The following TEX30 variants were observed in gnomAD, a reference collection of about 807,000 sequenced individuals.
TEX30 encodes the protein testis expressed 30.
TEX30 carries 14 observed loss-of-function variants against 23.8 expected under a neutral mutation model. The ratio of observed to expected loss-of-function variants is 0.59; its 90% CI spans 0.39 to 0.92. The LOEUF (loss-of-function observed/expected upper bound fraction) is 0.92. Among genes scored for constraint, TEX30 ranks in the 40% least tolerant of loss-of-function variants. TEX30 has a pLI of 0.00. For synonymous variants in TEX30, 78 were observed against 90.2 expected, an observed-to-expected ratio of 0.87 and a Z score of 0.76; for missense variants, 246 against 270.6, an observed-to-expected ratio of 0.91 and a Z score of 0.64.
intron 1 of TEX30, among the ~76,000 whole-genome samples, chr13:102,772,175 C>T (rs549335578): frequency 1.3e-5 from 2 of 151,634 alleles, no homozygotes; most frequent in East Asian, 1.9e-4. Flanking sequence ...GTTCTCGCTC[C>T]GGCGGACAGG....
rs1876853790 is a variant in TEX30 at position 102,766,151 on chromosome 13, TAACTA to T, written c.*245_*249del. ...CAGATGTTTAATTTTTTTCAAAACT[TAACTA>T]TACTAATGAAAATAAATTATATGTA... On this transcript the variant is annotated 3_prime_UTR_variant, in exon 6 of 6. Coordinates refer to ENST00000376032, the MANE Select transcript of TEX30 (RefSeq NM_138779.5). 1 of 251,436 alleles carries T rather than the reference TAACTA, an allele frequency of 4.0e-6. No individual in the cohort carries two copies. Among genetic ancestry groups the T allele is most frequent in the Non-Finnish European group, 7.5e-6 (1 of 134,076 alleles). The allele number at this position is 251,436 out of a possible 1,614,324, so 15.6% of individuals were successfully genotyped here.
Position 102,770,070 on chromosome 13 carries a change from A to C in TEX30, c.-44T>G. On this transcript the variant is annotated 5_prime_UTR_variant, in exon 2 of 6. Transcript: ENST00000376032. The stretch of plus-strand genomic sequence containing the variant: ...AACTTAAAGTGCATTTACATCTGAG[A>C]AGCAAAGGACATCTCCCTGAAAAGA... 1 of 1,319,928 alleles carries C rather than the reference A, an allele frequency of 7.6e-7. No homozygotes were observed. Among genetic ancestry groups the C allele is most frequent in the Non-Finnish European group, 9.8e-7 (1 of 1,019,050 alleles). The allele number at this position is 1,319,928 out of a possible 1,614,324, so 81.8% of individuals were successfully genotyped here. A position where few individuals can be genotyped will look rare whatever the true frequency, so the allele number is the denominator to read the frequency against.
At chr13:102,766,676 T>C (rs1876910659) in intron 5 of TEX30, 96 bp from the exon 6 acceptor site, 4 of 1,183,738 alleles carry the variant, frequency 3.4e-6, no homozygotes, top group African/African-American at 1.6e-5. Flanking sequence ...CATTCCCAAG[T>C]ATTCATTAAA....
At chr13:102,772,067 A>C (rs981714979) in intron 1 of TEX30, among the ~76,000 whole-genome samples, 2 of 151,926 alleles carry the variant, frequency 1.3e-5, no homozygotes, top group African/African-American at 4.8e-5. Context: ...CCTTAATGTA[A>C]GTTTAGTGAA....
intron 4 of TEX30, 58 bp from the exon 5 acceptor site, chr13:102,767,536 G>A: frequency 1.9e-6 from 3 of 1,540,770 alleles, no homozygotes; most frequent in Non-Finnish European, 2.7e-6. Flanking sequence ...TAAAGTAGCA[G>A]TGATGGTGTG....
rs543266372 is a variant in TEX30 at position 102,773,197 on chromosome 13, G to A, written c.-61+485C>T. On this transcript the variant is annotated intron_variant, in intron 1 of 5. Transcript: ENST00000376032. ...TGGCTGTCGTGGGGCAAACAAAAAC[G>A]TTGAGTCCGAGTCTTACGGGGGGTC... 7.0e-3 allele frequency among the ~76,000 whole-genome samples: 1,072 copies of A among 152,324 alleles called. 13 individuals carry two copies. Among genetic ancestry groups the A allele is most frequent in the African/African-American group, 0.024 (993 of 41,574 alleles).
At chr13:102,769,567 C>A (rs1362071400) in intron 2 of TEX30, 26 bp from the exon 3 acceptor site, 6 of 1,426,420 alleles carry the variant, frequency 4.2e-6, no homozygotes, top group South Asian at 2.6e-5. Flanking sequence ...ATAAAGGGAT[C>A]AAAAATTACT....
intron 1 of TEX30, chr13:102,770,320 T>TCATATCA: frequency 3.8e-6 from 1 of 261,018 alleles, no homozygotes; most frequent in East Asian, 6.6e-5. Flanking sequence ...ATGGAAACTG[T>TCATATCA]AAGGTAATTC....
intron 1 of TEX30, among the ~76,000 whole-genome samples, chr13:102,771,214 T>C (rs1877295471): frequency 6.6e-6 from 1 of 152,186 alleles, no homozygotes; most frequent in African/African-American, 2.4e-5. Flanking sequence ...AAGGGTTTGT[T>C]CATAATTTTT....
Position 102,769,481 on chromosome 13 carries a change from T to A in TEX30, c.76A>T (p.Lys26Ter). The A allele has an allele frequency of 1.2e-6, 2 of 1,611,058 alleles. No individual in the cohort carries two copies. The highest frequency in any genetic ancestry group is 2.2e-5 in the South Asian group (2 of 89,992). Residue 26 changes from lysine to a stop codon, truncating the protein, a stop_gained, in exon 3 of 6, where the codon AAG becomes TAG. Coordinates refer to ENST00000376032, the MANE Select transcript of TEX30 (RefSeq NM_138779.5). LOFTEE classifies it high-confidence loss of function. ...LLDAVCLVPN[K>*]SLTYGIILTH... ...AGAATTATTCCATATGTTAAGCTCT[T>A]GTTAGGTACCAAACAAACAGCATCT...
chr13:102,767,229 C>G (rs1240521113), intron 5 of TEX30, 44 bp downstream of exon 5: 7 of 1,578,266 alleles, frequency 4.4e-6, no homozygotes, highest in Non-Finnish European at 6.1e-6. Context: ...ATATGTCTGC[C>G]TTTCATTCTC....
In TEX30 at chr13:102,766,533, G is replaced by A; in HGVS notation, c.552C>T (p.Ile184=). ...AATGATTTGCCTTCTCAATCCAGTG[G>A]ATTTTATGGGGAGCTTGCATTTTCT... is the stretch of plus-strand genomic sequence containing the variant. ...VAQKMQAPHK[I]HWIEKANHSM... Residue 184 remains isoleucine, a synonymous_variant, in exon 6 of 6, where the codon ATC becomes ATT. Coordinates refer to ENST00000376032, the MANE Select transcript of TEX30 (RefSeq NM_138779.5). 3.1e-6 allele frequency: 5 copies of A among 1,613,512 alleles called. No individual in the cohort carries two copies. Among genetic ancestry groups the A allele is most frequent in the South Asian group, 2.2e-5 (2 of 90,964 alleles).
intron 3 of TEX30, among the ~76,000 whole-genome samples, chr13:102,768,858 C>T (rs762052230): frequency 9.9e-5 from 15 of 152,180 alleles, no homozygotes; most frequent in Admixed American, 2.6e-4. Flanking sequence ...TGTTGGGCCA[C>T]GTTCAAAGCT....
At position 102,766,312 on chromosome 13, in the gene TEX30, T is replaced by G; in HGVS notation, c.*89A>C. The G allele has an allele frequency of 1.8e-6, 2 of 1,106,782 alleles. No individual in the cohort carries two copies. Among genetic ancestry groups the G allele is most frequent in the Non-Finnish European group, 2.5e-6 (2 of 791,650 alleles). The allele number at this position is 1,106,782 out of a possible 1,614,324, so 68.6% of individuals were successfully genotyped here. A position where few individuals can be genotyped will look rare whatever the true frequency, so the allele number is the denominator to read the frequency against. On this transcript the variant is annotated 3_prime_UTR_variant, in exon 6 of 6. Transcript: ENST00000376032. ...TAAGGGAACATTAAAGAACATCAAA[T>G]TAGTCTGAAATATATCTCACAATGC...
Position 102,766,374 on chromosome 13 carries a change from G to T in TEX30, c.*27C>A. On this transcript the variant is annotated 3_prime_UTR_variant, in exon 6 of 6. Transcript: ENST00000376032. ...CTCTTCTTTATCAAATTAACTGTAT[G>T]TGTACTCAAGATAACATGGCTTTTA... 6.3e-7 allele frequency: 1 copy of T among 1,587,108 alleles called. No homozygotes were observed. Among genetic ancestry groups the T allele is most frequent in the Non-Finnish European group, 8.6e-7 (1 of 1,159,126 alleles).
chr13:102,767,834 A>G (rs1468897786), intron 4 of TEX30, among the ~76,000 whole-genome samples: 1 of 152,146 alleles, frequency 6.6e-6, no homozygotes, highest in Non-Finnish European at 1.5e-5. Flanking sequence ...AATCACTTGA[A>G]TCCCAGAGGT....
intron 1 of TEX30, among the ~76,000 whole-genome samples, chr13:102,771,147 T>G (rs1307896706): frequency 1.4e-5 from 1 of 70,266 alleles, no homozygotes; most frequent in African/African-American, 6.5e-5. Flanking sequence ...GTACTTATTT[T>G]CACACGATGT....
intron 3 of TEX30, among the ~76,000 whole-genome samples, chr13:102,768,763 TA>T: frequency 6.6e-6 from 1 of 152,210 alleles, no homozygotes; most frequent in East Asian, 1.9e-4. Flanking sequence ...ACACATAAAA[TA>T]CACTAACACT....
At chr13:102,769,252 A>G (rs931795875) in intron 3 of TEX30, 59 bp downstream of exon 3, 2 of 1,201,112 alleles carry the variant, frequency 1.7e-6, no homozygotes, top group Non-Finnish European at 2.3e-6. Flanking sequence ...TTTATCTTAC[A>G]TTTATTAAGG....
Sources: gnomAD v4.1 joint callset for allele counts (sites outside exome capture counted in the v4.1 genomes callset) on GRCh38, gnomAD v4.1.1 for gene constraint, MANE v1.5 for transcripts, NCBI Gene and HGNC (gene_info 2026-07-23, HGNC 2026-07-21) for gene names.